RASSF1: variants seen among roughly 807,000 people sequenced by gnomAD.
RASSF1 encodes the protein ras association domain-containing protein 1.
Under a neutral mutation model 34.3 loss-of-function variants are expected in RASSF1, and 33 were observed. The ratio of observed to expected loss-of-function variants is 0.96; its 90% confidence interval spans 0.73 to 1.29. RASSF1 has a LOEUF of 1.29. Among genes scored for constraint, RASSF1 ranks in the 50% most tolerant of loss-of-function variants. The pLI is 0.00. For synonymous variants in RASSF1, 191 were observed against 195.0 expected (o/e 0.98, Z 0.17); for missense variants, 445 against 471.8 (o/e 0.94, Z 0.53).
chr3:50,332,906 C>A (rs889875565), intron 2 of RASSF1, among the ~76,000 whole-genome samples: 2 of 152,026 alleles, frequency 1.3e-5, no homozygotes, highest in Non-Finnish European at 2.9e-5. Context: ...ACCAGCCTGA[C>A]CAACATGGAG....
intron 2 of RASSF1, 105 bp downstream of exon 2, chr3:50,337,800 A>G: frequency 8.4e-7 from 1 of 1,189,160 alleles, no homozygotes; most frequent in Non-Finnish European, 1.2e-6. Flanking sequence ...GGAAATCGGC[A>G]ATTAGAACGC....
At chr3:50,338,241 A>G (rs1450820145) in intron 1 of RASSF1, 20 of 1,359,792 alleles carry the variant, frequency 1.5e-5, no homozygotes, top group Admixed American at 3.1e-5. Context: ...TTGGATCTCT[A>G]TCGCCTAGCA....
In RASSF1 at chr3:50,340,675, C is replaced by A. The variant is rs945902087; in HGVS notation, c.131G>T (p.Arg44Leu). Residue 44 changes from arginine to leucine, a missense_variant, in exon 1 of 6, where the codon CGG becomes CTG. Physicochemically the swap from Arg to Leu is moderately radical, Grantham distance 102 (BLOSUM62 -2). Coordinates refer to ENST00000359365, the MANE Select transcript of RASSF1 (RefSeq NM_007182.5). ...GTGGCCACGGCCAGGGACCAGCTGCCGTGTGGGGTTGCACGCGGTGCCCCG... is the reference window on the plus strand; with the variant it reads ...GTGGCCACGGCCAGGGACCAGCTGCAGTGTGGGGTTGCACGCGGTGCCCCG... Reference protein sequence around the residue: ...IARGTACNPTRQLVPGRGHRF... With the variant: ...IARGTACNPTLQLVPGRGHRF... 1 of 1,534,276 alleles carries A rather than the reference C, an allele frequency of 6.5e-7. No individual in the cohort carries two copies.
chr3:50,340,530 C>T, intron 1 of RASSF1, 26 bp downstream of exon 1: 1 of 1,456,856 alleles, frequency 6.9e-7, no homozygotes, highest in Non-Finnish European at 9.0e-7. Context: ...CTTCCGCTCT[C>T]GTAGGCGCGC....
chr3:50,339,353 C>G (rs1703277152), intron 1 of RASSF1, among the ~76,000 whole-genome samples: 1 of 149,992 alleles, frequency 6.7e-6, no homozygotes. Context: ...AATGTCCCAG[C>G]CTTGTTCTTT....
chr3:50,340,783 A>G lies in RASSF1; in HGVS notation c.23T>C (p.Ile8Thr), dbSNP rs1336006640. The G allele has an allele frequency of 5.3e-6, 8 of 1,513,710 alleles. No individual in the cohort carries two copies. Among genetic ancestry groups the G allele is most frequent in the East Asian group, 5.5e-5 (2 of 36,218 alleles). The allele number at this position is 1,513,710 out of a possible 1,614,324, so 93.8% of individuals were successfully genotyped here. A position where few individuals can be genotyped will look rare whatever the true frequency, so the allele number is the denominator to read the frequency against. ...AGCGGGTGCCAGCTCCCGCAGCTCA[A>G]TGAGCTCAGGCTCCCCCGACATGGC... MSGEPEL[I>T]ELRELAPAGR... The change falls in exon 1 of 6, where the codon ATT becomes ACT. Residue 8 changes from isoleucine (I) to threonine (T), a missense_variant. Physicochemically the swap from Ile to Thr is moderately conservative, Grantham distance 89. Transcript: ENST00000359365.
In RASSF1 at chr3:50,330,703, G is replaced by A; in HGVS notation, c.901C>T (p.Leu301=). 1 of 1,614,016 alleles carries A rather than the reference G, an allele frequency of 6.2e-7. No homozygotes were observed. ...VNWDAFSMPE[L]HNFLRILQRE... is the part of the protein sequence containing the mutation. Reference sequence around the variant, plus strand: ...TGCAGGATACGTAGGAAGTTATGTAGTTCAGGCATGCTGAAGGCGTCCCAC... The same window carrying A: ...TGCAGGATACGTAGGAAGTTATGTAATTCAGGCATGCTGAAGGCGTCCCAC... The change falls in exon 6 of 6, where the codon CTA becomes TTA. Residue 301 remains leucine, a synonymous_variant. Transcript: ENST00000359365. This position sits in a 1 kb window ranked among gnomAD's most constrained non-coding sequence, Gnocchi z 4.5.
chr3:50,330,402 G>T lies in RASSF1; in HGVS notation c.*179C>A. The T allele has an allele frequency of 1.2e-6, 1 of 853,506 alleles. No individual in the cohort carries two copies. The highest frequency in any genetic ancestry group is 1.8e-6 in the Non-Finnish European group (1 of 563,352). The allele number at this position is 853,506 out of a possible 1,614,324, so 52.9% of individuals were successfully genotyped here. On this transcript the variant is annotated 3_prime_UTR_variant, in exon 6 of 6. Transcript: ENST00000359365. This position sits in a 1 kb window ranked among gnomAD's most constrained non-coding sequence, Gnocchi z 4.5. ...GGCAGAGGGGTGCAGAGCCATACCT[G>T]GCTACACCCACAGGTGGACACAGGG...
chr3:50,334,450 A>G (rs1703054170), intron 2 of RASSF1, among the ~76,000 whole-genome samples: 1 of 152,210 alleles, frequency 6.6e-6, no homozygotes, highest in African/African-American at 2.4e-5. Context: ...TGAATAAAGC[A>G]GTGGATGTGT....
Position 50,331,804 on chromosome 3 carries a change from C to A in RASSF1, c.515G>T (p.Arg172Leu). 1 of 1,595,362 alleles carries A rather than the reference C, an allele frequency of 6.3e-7. No homozygotes were observed. The highest frequency in any genetic ancestry group is 1.3e-5 in the African/African-American group (1 of 74,616). The change falls in exon 4 of 6, where the codon CGC becomes CTC. Residue 172 changes from arginine to leucine, a missense_variant. Transcript: ENST00000359365. ...CTTGCTGGAGGGCACAGAGACAGGG[C>A]GCACCAGCTTCAGCTGAACCTTGAT... is the stretch of plus-strand genomic sequence containing the variant. ...GFIKVQLKLV[R>L]PVSVPSSKKP...
At position 50,337,423 on chromosome 3, in the gene RASSF1, C is replaced by A. The variant is rs1703191183; in HGVS notation, c.357+482G>T. ...GTGTCAGTGTGCGCGTGCGCCCGGG[C>A]CAGAGCCGCGCCGCAACCGTTAAGA... On this transcript the variant is annotated intron_variant, in intron 2 of 5. Transcript: ENST00000359365. The A allele has an allele frequency of 1.2e-5, 19 of 1,581,144 alleles. 1 individual carries two copies. In the South Asian group the frequency reaches 1.2e-4, roughly 10 times the overall value.
chr3:50,332,295 C>G, intron 2 of RASSF1, 141 bp from the exon 3 acceptor site: 1 of 645,460 alleles, frequency 1.5e-6, no homozygotes, highest in South Asian at 1.9e-5. Context: ...GGTGCCCACC[C>G]TGAACCCACC....
chr3:50,335,050 A>C (rs1291001544), intron 2 of RASSF1, among the ~76,000 whole-genome samples: 1 of 152,004 alleles, frequency 6.6e-6, no homozygotes, highest in Non-Finnish European at 1.5e-5. Context: ...CCTGGGTTCA[A>C]GCAATTCTCT....
chr3:50,335,607 C>T (rs1703107924), intron 2 of RASSF1, among the ~76,000 whole-genome samples: 1 of 152,132 alleles, frequency 6.6e-6, no homozygotes, highest in African/African-American at 2.4e-5. Flanking sequence ...GCATGAGTCA[C>T]CAAGCCCAGC....
intron 2 of RASSF1, among the ~76,000 whole-genome samples, chr3:50,333,775 C>G (rs587739387): frequency 2.6e-5 from 4 of 152,266 alleles, no homozygotes; most frequent in Admixed American, 6.5e-5. Flanking sequence ...CCATCGTACC[C>G]GACCCAGAGA....
At chr3:50,337,466 G>A (rs746821489) in intron 2 of RASSF1, 3 of 1,556,962 alleles carry the variant, frequency 1.9e-6, no homozygotes, top group Non-Finnish European at 2.6e-6. Context: ...GTAGATCGCC[G>A]GGATCTAGCT....
At position 50,331,468 on chromosome 3, in the gene RASSF1, G is replaced by C. The variant is rs1472472026; in HGVS notation, c.761-19C>G. The C allele has an allele frequency of 6.4e-7, 1 of 1,569,550 alleles. No homozygotes were observed. The highest frequency in any genetic ancestry group is 1.8e-5 in the Admixed American group (1 of 56,244). ...AAGTACACTGTGAAGGGGAAGTAATGATCAGAGACAGGGCCAGCTGCTCAG... is the reference window on the plus strand; with the variant it reads ...AAGTACACTGTGAAGGGGAAGTAATCATCAGAGACAGGGCCAGCTGCTCAG... On this transcript the variant is annotated intron_variant, in intron 4 of 5. Coordinates refer to ENST00000359365, the MANE Select transcript of RASSF1 (RefSeq NM_007182.5).
At chr3:50,338,218 G>T in intron 1 of RASSF1, 1 of 1,400,998 alleles carries the variant, frequency 7.1e-7, no homozygotes. Context: ...AGGCAGAGAG[G>T]CCTGCTCAAC....
rs369195884 is a variant in RASSF1, at chr3:50,337,929, G to A, written c.333C>T (p.Pro111=). ...CCACGTTCGTGTCCCGCTCCACCGC[G>A]GGTTCCCAGCCCAGGTCCCGGGGCC... ...CCGPRDLGWE[P]AVERDTNVDE... Residue 111 remains proline, a synonymous_variant, in exon 2 of 6, where the codon CCC becomes CCT. Transcript: ENST00000359365. 5 of 1,611,652 alleles carry A rather than the reference G, an allele frequency of 3.1e-6. No individual in the cohort carries two copies. The highest frequency in any genetic ancestry group is 1.3e-5 in the African/African-American group (1 of 74,896).
Sources: allele counts gnomAD v4.1 joint callset (sites outside exome capture counted in the v4.1 genomes callset), GRCh38; gene constraint gnomAD v4.1.1; non-coding constraint Gnocchi (gnomAD v3.1); transcripts MANE v1.5; gene names NCBI Gene and HGNC (gene_info 2026-07-23, HGNC 2026-07-21).